Variants in MECOM observed in about 807,000 individuals in gnomAD.
MECOM encodes histone-lysine N-methyltransferase MECOM.
In MECOM, 13 loss-of-function variants were observed where a neutral mutation model predicts 116.3. The ratio of observed to expected loss-of-function variants is 0.11; its 90% CI spans 0.07 to 0.18. The LOEUF (loss-of-function observed/expected upper bound fraction) is 0.18, where lower values mean the gene tolerates loss of function less well. Ranked by LOEUF, MECOM falls within the 10% of genes least tolerant of loss-of-function variation. The pLI, the probability that MECOM is intolerant of heterozygous loss-of-function variation, is 1.00. For missense variants in MECOM, 1,299 were observed against 1,509.0 expected (o/e 0.86, Z 2.31); for synonymous variants, 528 against 535.2 (o/e 0.99, Z 0.19).
chr3:169,608,719 A>C (rs1272935503), intron 1 of MECOM, among the ~76,000 whole-genome samples: 1 of 152,220 alleles, frequency 6.6e-6, no homozygotes, highest in Non-Finnish European at 1.5e-5. Flanking sequence ...GAACTGGCTC[A>C]CGTTCTGTTA....
intron 1 of MECOM, among the ~76,000 whole-genome samples, chr3:169,492,794 T>C (rs1753254099): frequency 6.6e-6 from 1 of 152,048 alleles, no homozygotes; most frequent in Admixed American, 6.6e-5. Context: ...AAACCCCCTC[T>C]ACTAAAAATA....
chr3:169,284,123 G>C (rs1712753212), intron 2 of MECOM, among the ~76,000 whole-genome samples: 1 of 152,268 alleles, frequency 6.6e-6, no homozygotes, highest in African/African-American at 2.4e-5. Flanking sequence ...GCTGAGTTCA[G>C]AGCTCTCCCA....
At chr3:169,578,648 A>C (rs1764775664) in intron 1 of MECOM, among the ~76,000 whole-genome samples, 1 of 152,154 alleles carries the variant, frequency 6.6e-6, no homozygotes, top group Non-Finnish European at 1.5e-5. Context: ...AACCAAAGTA[A>C]ATAAGCAATT....
intron 2 of MECOM, among the ~76,000 whole-genome samples, chr3:169,322,667 C>T (rs924854928): frequency 5.3e-5 from 8 of 151,930 alleles, no homozygotes; most frequent in Non-Finnish European, 1.0e-4. Context: ...CCAATGAGTA[C>T]CTACTAAAGG....
intron 2 of MECOM, among the ~76,000 whole-genome samples, chr3:169,206,354 T>C (rs1039956597): frequency 2.0e-5 from 3 of 152,196 alleles, no homozygotes; most frequent in Non-Finnish European, 4.4e-5. Context: ...AATGGAACTC[T>C]TGATCATCCC....
intron 2 of MECOM, among the ~76,000 whole-genome samples, chr3:169,276,563 A>C (rs1282626070): frequency 2.0e-5 from 3 of 151,246 alleles, no homozygotes; most frequent in East Asian, 3.9e-4. Context: ...AAAAAAAAAA[A>C]AAAAAAAAAA....
chr3:169,483,825 A>G, intron 1 of MECOM: 1 of 1,611,880 alleles, frequency 6.2e-7, no homozygotes, highest in South Asian at 1.1e-5. Flanking sequence ...CCTTTTGGAG[A>G]AAGGCACCTC....
intron 1 of MECOM, among the ~76,000 whole-genome samples, chr3:169,497,134 C>T (rs1753906067): frequency 6.6e-6 from 1 of 152,118 alleles, no homozygotes; most frequent in Admixed American, 6.5e-5. Flanking sequence ...ATATTATTCT[C>T]CCCATGCCAC....
intron 1 of MECOM, among the ~76,000 whole-genome samples, chr3:169,504,246 G>C (rs1528290): frequency 0.17 from 24,964 of 149,770 alleles, 2,245 homozygotes; most frequent in East Asian, 0.33. Context: ...CTTGCCATTT[G>C]GTGGGGGTGG....
At chr3:169,276,513 AC>A (rs1264286923) in intron 2 of MECOM, among the ~76,000 whole-genome samples, 1 of 148,906 alleles carries the variant, frequency 6.7e-6, no homozygotes, top group Non-Finnish European at 1.5e-5. Context: ...AGATCATGCC[AC>A]TGCACTCCAG....
intron 1 of MECOM, among the ~76,000 whole-genome samples, chr3:169,402,078 G>C (rs766219299): frequency 7.9e-5 from 12 of 152,190 alleles, no homozygotes; most frequent in Non-Finnish European, 1.5e-4. Flanking sequence ...TAAAAAAGGG[G>C]CTGTGATGCT....
At chr3:169,447,197 AG>A (rs1335834154) in intron 1 of MECOM, among the ~76,000 whole-genome samples, 1 of 152,176 alleles carries the variant, frequency 6.6e-6, no homozygotes, top group Non-Finnish European at 1.5e-5. Context: ...ACAATTCCCA[AG>A]GGTGGAAGAA....
At chr3:169,426,819 A>C (rs1439535621) in intron 1 of MECOM, among the ~76,000 whole-genome samples, 2 of 152,216 alleles carry the variant, frequency 1.3e-5, no homozygotes, top group African/African-American at 2.4e-5. Context: ...TCACTTAGGC[A>C]TCCAGTTAGT....
chr3:169,543,643 C>T (rs1028884667), intron 1 of MECOM, among the ~76,000 whole-genome samples: 1 of 152,088 alleles, frequency 6.6e-6, no homozygotes, highest in Non-Finnish European at 1.5e-5. Context: ...AAAATCAAAA[C>T]ACAATTCTAA....
chr3:169,472,480 A>AAGGAAAGGAG (rs1749452423), intron 1 of MECOM, among the ~76,000 whole-genome samples: 1 of 54,268 alleles, frequency 1.8e-5, no homozygotes, highest in Admixed American at 1.6e-4. Context: ...AAGGAAAGGA[A>AAGGAAAGGAG]AGGAAAGGAA....
At chr3:169,419,076 T>A (rs1348420237) in intron 1 of MECOM, among the ~76,000 whole-genome samples, 1 of 152,112 alleles carries the variant, frequency 6.6e-6, no homozygotes, top group Non-Finnish European at 1.5e-5. Flanking sequence ...TGTGCAAAAA[T>A]CACAAGCATT....
intron 2 of MECOM, among the ~76,000 whole-genome samples, chr3:169,374,205 T>C (rs559637529): frequency 6.6e-6 from 1 of 151,622 alleles, no homozygotes; most frequent in East Asian, 1.9e-4. Flanking sequence ...AGAAAGGCTA[T>C]ATGAGGATGA....
chr3:169,358,918 T>C (rs1344222872), intron 2 of MECOM, among the ~76,000 whole-genome samples: 1 of 151,750 alleles, frequency 6.6e-6, no homozygotes. Context: ...CTTACCCATG[T>C]GGGTAATGAA....
In MECOM at chr3:169,356,984, T is replaced by C. The variant is rs139498325; in HGVS notation, c.375+24203A>G. On this transcript the variant is annotated intron_variant, in intron 2 of 16. Transcript: ENST00000651503. ...GAGTAGTGTCACATAAAGAGAAAAA[T>C]GATCACAGAATTTTCAAAATCTGCC... Among the ~76,000 whole-genome samples, 19 of 151,888 alleles carry C rather than the reference T, an allele frequency of 1.3e-4. No homozygotes were observed. In the East Asian group the frequency reaches 2.5e-3, roughly 20 times the overall value.
Sources: allele counts gnomAD v4.1 joint callset (sites outside exome capture counted in the v4.1 genomes callset), GRCh38; gene constraint gnomAD v4.1.1; transcripts MANE v1.5; gene names NCBI Gene and HGNC (gene_info 2026-07-23, HGNC 2026-07-21).